The following SMG1 variants were observed in gnomAD, a reference collection of about 807,000 sequenced individuals.
The protein encoded by SMG1 is SMG1 nonsense mediated mRNA decay associated PI3K related kinase.
In SMG1, 22 loss-of-function variants were observed where a neutral mutation model predicts 419.9. The observed-to-expected ratio is 0.05, with a 90% CI of 0.04 to 0.07. SMG1 has a LOEUF of 0.07. Ranked by LOEUF, SMG1 falls within the 10% of genes least tolerant of loss-of-function variation. The pLI, the probability that SMG1 is intolerant of heterozygous loss-of-function variation, is 1.00. For missense variants in SMG1, 3,185 were observed against 4,342.0 expected, an observed-to-expected ratio of 0.73 and a Z score of 7.49; for synonymous variants, 1,538 against 1,553.5, an observed-to-expected ratio of 0.99 and a Z score of 0.23.
chr16:18,855,711 G>C (rs2034861951), intron 29 of SMG1, among the ~76,000 whole-genome samples: 1 of 151,968 alleles, frequency 6.6e-6, no homozygotes, highest in Non-Finnish European at 1.5e-5. Flanking sequence ...TTTCCCTACT[G>C]CCACCCTAGT....
At chr16:18,841,055 G>A (rs139145164) in intron 41 of SMG1, among the ~76,000 whole-genome samples, 208 of 151,922 alleles carry the variant, frequency 1.4e-3, no homozygotes, top group African/African-American at 4.7e-3. Flanking sequence ...GCAAGACCCT[G>A]TCCCTTTAAA....
intron 1 of SMG1, 182 bp downstream of exon 1, chr16:18,925,768 C>G (rs12928244): frequency 1.9e-5 from 9 of 481,292 alleles, no homozygotes; most frequent in Non-Finnish European, 2.9e-5. Context: ...AGGGGAGGCA[C>G]TTAGGCCTCG....
chr16:18,854,543 C>T (rs1047411055), intron 30 of SMG1, 113 bp downstream of exon 30: 20 of 1,004,050 alleles, frequency 2.0e-5, no homozygotes, highest in Non-Finnish European at 2.9e-5. Context: ...TGTTCTGCAA[C>T]AGCTGGAAAT....
At chr16:18,894,346 G>A (rs1174757881) in intron 3 of SMG1, among the ~76,000 whole-genome samples, 1 of 152,040 alleles carries the variant, frequency 6.6e-6, no homozygotes, top group Non-Finnish European at 1.5e-5. Context: ...AGCCCATAGA[G>A]TATTTCAATA....
intron 1 of SMG1, among the ~76,000 whole-genome samples, chr16:18,908,744 G>A (rs1400020896): frequency 6.6e-6 from 1 of 151,986 alleles, no homozygotes; most frequent in African/African-American, 2.4e-5. Context: ...GCCAGGCGTG[G>A]TGGCAGGCGC....
Position 18,839,878 on chromosome 16 carries a change from A to G in SMG1, c.6765T>C (p.Ser2255=). The G allele has an allele frequency of 6.2e-7, 1 of 1,612,248 alleles. No homozygotes were observed. The highest frequency in any genetic ancestry group is 8.5e-7 in the Non-Finnish European group (1 of 1,179,020). Residue 2255 remains serine (S), a synonymous_variant, in exon 42 of 63, where the codon AGT becomes AGC. Coordinates refer to ENST00000446231, the MANE Select transcript of SMG1 (RefSeq NM_015092.5). ...CTGTTTTCAAAGCAGGGCCAATTTT[A>G]CTGTAATAAAGTTCACTAGGACGGG... ...IVPRPSELYY[S]KIGPALKTVG...
Position 18,836,151 on chromosome 16 carries a change from A to C in SMG1, c.7839T>G (p.Ile2613Met), listed in dbSNP as rs200180260. 78 of 1,611,274 alleles carry C rather than the reference A, an allele frequency of 4.8e-5. 1 individual carries two copies. The highest frequency in any genetic ancestry group is 9.3e-6 in the Non-Finnish European group (11 of 1,178,788). ...CCCCCTCCAGCTGCTCGCACTGGCTAATCAAGTGGGCCTGACCAGCATTCT... is the reference window on the plus strand; with the variant it reads ...CCCCCTCCAGCTGCTCGCACTGGCTCATCAAGTGGGCCTGACCAGCATTCT... ...FLQNAGQAHL[I>M]SQCEQLEGEV... The change falls in exon 48 of 63, where the codon ATT (isoleucine) becomes ATG (methionine). Residue 2613 changes from isoleucine (I) to methionine (M), a missense_variant. Physicochemically the swap from Ile to Met is conservative, Grantham distance 10. Transcript: ENST00000446231.
chr16:18,829,699 C>T lies in SMG1; in HGVS notation c.9190G>A (p.Val3064Met), dbSNP rs750283610. The change falls in exon 54 of 63, where the codon GTG (valine) becomes ATG (methionine). Residue 3064 changes from valine (V) to methionine (M), a missense_variant. Val to Met is a conservative substitution (Grantham distance 21). Around this residue, in one of 27 missense-constraint regions of SMG1, gnomAD observed 737 missense variants for 846.6 expected, o/e 0.87. Transcript: ENST00000446231. ...CAAGAGTTTCTAAAAAGGGTTTTCACATTGACAATCTGTACAGGCCCATTC... is the reference window on the plus strand; with the variant it reads ...CAAGAGTTTCTAAAAAGGGTTTTCATATTGACAATCTGTACAGGCCCATTC... Reference protein sequence around the residue: ...TVNGPVQIVNVKTLFRNSCFS... With the variant: ...TVNGPVQIVNMKTLFRNSCFS... The T allele has an allele frequency of 2.5e-6, 4 of 1,613,912 alleles. No individual in the cohort carries two copies. The highest frequency in any genetic ancestry group is 1.7e-4 in the Middle Eastern group (1 of 6,060).
intron 51 of SMG1, 68 bp downstream of exon 51, chr16:18,832,872 C>T (rs2033296934): frequency 1.2e-5 from 16 of 1,364,064 alleles, no homozygotes; most frequent in Middle Eastern, 2.2e-4. Context: ...CGTTAAAGAG[C>T]TCAGAATCCC....
At position 18,896,088 on chromosome 16, in the gene SMG1, G is replaced by A. The variant is rs752796432; in HGVS notation, c.376C>T (p.Arg126Cys). ...PEFTSVQHGS[R>C]ALATKDMRKS... ...CTCATGTCTTTGGTGGCTAAAGCAC[G>A]ACTGCCATGCTGAACACTGGTGAAC... The change falls in exon 3 of 63, where the codon CGT becomes TGT. Residue 126 changes from arginine to cysteine, a missense_variant. This residue lies in a region of SMG1 where 42 missense variants were observed against 100.1 expected (regional missense o/e 0.42). Coordinates refer to ENST00000446231, the MANE Select transcript of SMG1 (RefSeq NM_015092.5). 3.1e-5 allele frequency: 50 copies of A among 1,610,842 alleles called. No homozygotes were observed. The highest frequency in any genetic ancestry group is 2.3e-4 in the Middle Eastern group (1 of 4,426).
At chr16:18,867,777 C>G (rs1386372239) in intron 22 of SMG1, among the ~76,000 whole-genome samples, 1 of 132,242 alleles carries the variant, frequency 7.6e-6, no homozygotes, top group South Asian at 2.6e-4. Context: ...GGTGCGATCT[C>G]GGTTCACTGC....
At chr16:18,906,427 G>A (rs965608150) in intron 1 of SMG1, among the ~76,000 whole-genome samples, 2 of 152,096 alleles carry the variant, frequency 1.3e-5, no homozygotes, top group Non-Finnish European at 2.9e-5. Flanking sequence ...AGGTTGCAGT[G>A]AGCCAAGACT....
Position 18,868,519 on chromosome 16 carries a change from C to A in SMG1, c.3030+4G>T. 1.3e-6 allele frequency: 2 copies of A among 1,557,374 alleles called. No homozygotes were observed. The highest frequency in any genetic ancestry group is 2.2e-5 in the East Asian group (1 of 44,666). Reference sequence around the variant, plus strand: ...TAAAACAACACTATCTCATGGAAACCAACCTTGGGAGGTGAAGTTAATGCA... The same window carrying A: ...TAAAACAACACTATCTCATGGAAACAAACCTTGGGAGGTGAAGTTAATGCA... On this transcript the variant is annotated splice_donor_region_variant and intron_variant, in intron 21 of 62. Transcript: ENST00000446231.
chr16:18,849,705 T>G (rs1342373093), intron 35 of SMG1, among the ~76,000 whole-genome samples: 2 of 152,040 alleles, frequency 1.3e-5, no homozygotes, highest in Non-Finnish European at 2.9e-5. Flanking sequence ...TTTTGAAAAT[T>G]TTTCACCACC....
chr16:18,859,589 A>G lies in SMG1; in HGVS notation c.3920T>C (p.Ile1307Thr), dbSNP rs2035102497. 1.9e-6 allele frequency: 3 copies of G among 1,592,262 alleles called. No individual in the cohort carries two copies. The highest frequency in any genetic ancestry group is 2.2e-5 in the East Asian group (1 of 44,750). The change falls in exon 27 of 63, where the codon ATA becomes ACA. Residue 1307 changes from isoleucine (I) to threonine (T), a missense_variant. By Grantham distance (89) the Ile-to-Thr change is moderately conservative (BLOSUM62 -1). This residue lies in a region of SMG1 where 120 missense variants were observed against 193.3 expected (regional missense o/e 0.62). Transcript: ENST00000446231. ...AGACTGCCACTTCTGATCTTGTTCT[A>G]TCGGGTTTAAAGCAGTTGCCAAACA... ...SVCLATALNP[I>T]EQDQKWQSIT...
At chr16:18,899,555 T>C in intron 1 of SMG1, among the ~76,000 whole-genome samples, 1 of 152,196 alleles carries the variant, frequency 6.6e-6, no homozygotes, top group East Asian at 1.9e-4. Context: ...TTTTATACAA[T>C]CTTGACTACT....
chr16:18,881,988 A>G (rs2036419283), intron 10 of SMG1, among the ~76,000 whole-genome samples, 177 bp downstream of exon 10: 2 of 152,154 alleles, frequency 1.3e-5, no homozygotes, highest in African/African-American at 4.8e-5. Context: ...ATGTAACAGG[A>G]TTCCCTACTT....
chr16:18,843,521 T>G (rs2034045954), intron 39 of SMG1, among the ~76,000 whole-genome samples: 1 of 152,148 alleles, frequency 6.6e-6, no homozygotes, highest in Non-Finnish European at 1.5e-5. Context: ...TTTAGCAAGC[T>G]CTGTTCATAA....
intron 55 of SMG1, among the ~76,000 whole-genome samples, chr16:18,827,094 C>A (rs1051213259): frequency 5.3e-5 from 8 of 151,946 alleles, no homozygotes; most frequent in Non-Finnish European, 1.0e-4. Flanking sequence ...TCAAAATATA[C>A]CTGTTACTAT....
Sources: allele counts gnomAD v4.1 joint callset (sites outside exome capture counted in the v4.1 genomes callset), GRCh38; gene constraint gnomAD v4.1.1; regional missense constraint gnomAD v4.1.1; transcripts MANE v1.5; gene names NCBI Gene and HGNC (gene_info 2026-07-23, HGNC 2026-07-21).